POGLUT1: variants seen among roughly 807,000 people sequenced by gnomAD.
POGLUT1 encodes the protein 9630046K23Rik.
POGLUT1 carries 32 observed loss-of-function variants against 61.3 expected under a neutral mutation model. The observed-to-expected ratio is 0.52, with a 90% CI of 0.39 to 0.70. The LOEUF is 0.70. Ranked by LOEUF, POGLUT1 falls within the 30% of genes least tolerant of loss-of-function variation. The probability of loss-of-function intolerance (pLI) is 0.00; values close to 1 mark genes in which losing one functional copy is unlikely to be tolerated. For missense variants in POGLUT1, 411 were observed against 469.8 expected (o/e 0.87, Z 1.16); for synonymous variants, 158 against 158.2 (o/e 1.00, Z 0.01).
In POGLUT1 at chr3:119,492,459, T is replaced by TA. The variant is rs1405108868; in HGVS notation, c.*21_*22insA. On this transcript the variant is annotated 3_prime_UTR_variant, in exon 11 of 11. Coordinates refer to ENST00000295588, the MANE Select transcript of POGLUT1 (RefSeq NM_152305.3). Reference sequence around the variant, plus strand: ...TATAGTAGTCATCATAGGACCATAGTCCTCTTTGTGGCAACAGATCTCAGA... The same window carrying TA: ...TATAGTAGTCATCATAGGACCATAGTACCTCTTTGTGGCAACAGATCTCAGA... 6.6e-7 allele frequency: 1 copy of TA among 1,505,514 alleles called. No individual in the cohort carries two copies. Among genetic ancestry groups the TA allele is most frequent in the Non-Finnish European group, 9.0e-7 (1 of 1,111,312 alleles). The allele number at this position is 1,505,514 out of a possible 1,614,324, so 93.3% of individuals were successfully genotyped here.
In POGLUT1 at chr3:119,473,040, A is replaced by T. The variant is rs566726740; in HGVS notation, c.320+1588A>T. Reference sequence around the variant, plus strand: ...TGATAGAGCAAGACCTGTCTCAAATAAATAATAATAAAGAACAATAAAAAA... The same window carrying T: ...TGATAGAGCAAGACCTGTCTCAAATTAATAATAATAAAGAACAATAAAAAA... On this transcript the variant is annotated intron_variant, in intron 3 of 10. Coordinates refer to ENST00000295588, the MANE Select transcript of POGLUT1 (RefSeq NM_152305.3). 6.6e-5 allele frequency among the ~76,000 whole-genome samples: 10 copies of T among 152,338 alleles called. No individual in the cohort carries two copies. In the East Asian group the frequency reaches 1.9e-3, roughly 29 times the overall value.
Position 119,492,326 on chromosome 3 carries a change from C to T in POGLUT1, c.1067C>T (p.Thr356Ile). ...IRNHLQMDDI[T>I]CYWENLLSEY... ...AACCATTTGCAGATGGATGACATCA[C>T]CTGTTACTGGGAGAACCTCTTGAGT... The change falls in exon 11 of 11, where the codon ACC becomes ATC. Residue 356 changes from threonine to isoleucine, a missense_variant. By Grantham distance (89) the Thr-to-Ile change is moderately conservative. Coordinates refer to ENST00000295588, the MANE Select transcript of POGLUT1 (RefSeq NM_152305.3). The T allele has an allele frequency of 6.2e-7, 1 of 1,610,406 alleles. No individual in the cohort carries two copies. Among genetic ancestry groups the T allele is most frequent in the Non-Finnish European group, 8.5e-7 (1 of 1,177,492 alleles).
At position 119,469,928 on chromosome 3, in the gene POGLUT1, A is replaced by T. The variant is rs982518266; in HGVS notation, c.176+18A>T. 7.5e-6 allele frequency: 11 copies of T among 1,458,486 alleles called. No individual in the cohort carries two copies. Among genetic ancestry groups the T allele is most frequent in the African/African-American group, 1.4e-5 (1 of 71,876 alleles). 90.3% of individuals were successfully genotyped at this position (1,458,486 alleles called of 1,614,324 possible). A position where few individuals can be genotyped will look rare whatever the true frequency, so the allele number is the denominator to read the frequency against. ...TACCATGGGTGAGTTCTTTTCTTTG[A>T]TGTGTCTTTGAGAGTTTAGTTGCTG... On this transcript the variant is annotated intron_variant, in intron 2 of 10. Transcript: ENST00000295588.
intron 3 of POGLUT1, among the ~76,000 whole-genome samples, chr3:119,473,660 CTTTT>C (rs771110307): frequency 7.0e-6 from 1 of 142,180 alleles, no homozygotes. Context: ...CGTCTAGATA[CTTTT>C]TTTTTTTTTT....
At chr3:119,472,019 G>A (rs2081479830) in intron 3 of POGLUT1, among the ~76,000 whole-genome samples, 1 of 152,094 alleles carries the variant, frequency 6.6e-6, no homozygotes, top group African/African-American at 2.4e-5. Context: ...AATAAATAAA[G>A]AGGAGTAACT....
chr3:119,469,351 G>A, intron 1 of POGLUT1: 1 of 582,398 alleles, frequency 1.7e-6, no homozygotes, highest in South Asian at 2.0e-5. Context: ...GGAATTCCCC[G>A]TTCACCCGCA....
chr3:119,490,549 A>G lies in POGLUT1; in HGVS notation c.798-2A>G. On this transcript the variant is annotated splice_acceptor_variant, in intron 8 of 10. Coordinates refer to ENST00000295588, the MANE Select transcript of POGLUT1 (RefSeq NM_152305.3). LOFTEE classifies it high-confidence loss of function. The stretch of plus-strand genomic sequence containing the variant: ...AAATGTATTTTGTTCTTTTTTCCCC[A>G]GGTATCTGTTTAATTTTCGAGGCGT... The G allele has an allele frequency of 6.2e-7, 1 of 1,613,578 alleles. No homozygotes were observed. Among genetic ancestry groups the G allele is most frequent in the Non-Finnish European group, 8.5e-7 (1 of 1,179,632 alleles).
Position 119,477,330 on chromosome 3 carries a change from A to G in POGLUT1, c.338A>G (p.His113Arg), listed in dbSNP as rs757945203. The change falls in exon 4 of 11, where the codon CAC becomes CGC. Residue 113 changes from histidine (H) to arginine (R), a missense_variant. Coordinates refer to ENST00000295588, the MANE Select transcript of POGLUT1 (RefSeq NM_152305.3). ...GTTGACAGGTGTAGTGGTGTTGAGC[A>G]CTTTATTTTGGAAGTGATCGGGCGT... is the stretch of plus-strand genomic sequence containing the variant. ...MFPSRCSGVE[H>R]FILEVIGRLP... is the part of the protein sequence containing the mutation. 6.2e-7 allele frequency: 1 copy of G among 1,614,072 alleles called. No individual in the cohort carries two copies. The highest frequency in any genetic ancestry group is 8.5e-7 in the Non-Finnish European group (1 of 1,179,950).
intron 8 of POGLUT1, 59 bp from the exon 9 acceptor site, chr3:119,490,491 AG>A: frequency 7.2e-7 from 1 of 1,387,668 alleles, no homozygotes. Flanking sequence ...TAAGCATAAA[AG>A]GTCATATTTG....
chr3:119,471,893 C>A, intron 3 of POGLUT1: 1 of 200,658 alleles, frequency 5.0e-6, no homozygotes, highest in Non-Finnish European at 1.0e-5. Context: ...TGGTGGCTCA[C>A]ACCTGTGATC....
intron 2 of POGLUT1, among the ~76,000 whole-genome samples, chr3:119,470,403 C>A (rs1338346270): frequency 2.0e-5 from 3 of 152,144 alleles, no homozygotes; most frequent in African/African-American, 7.2e-5. Flanking sequence ...TGGTGAAACC[C>A]TGTCTCTACT....
chr3:119,483,917 C>G (rs888118710), intron 5 of POGLUT1, among the ~76,000 whole-genome samples: 1 of 152,208 alleles, frequency 6.6e-6, no homozygotes, highest in African/African-American at 2.4e-5. Flanking sequence ...AGGAAATTCT[C>G]GGCTAAAATG....
chr3:119,478,904 AG>A (rs151240773), intron 4 of POGLUT1, among the ~76,000 whole-genome samples: 55,885 of 142,034 alleles, frequency 0.39, 10,995 homozygotes, highest in East Asian at 0.58. Flanking sequence ...AAAAAAAAAA[AG>A]GGGGGAACAT....
intron 5 of POGLUT1, among the ~76,000 whole-genome samples, chr3:119,483,701 C>T (rs953478854): frequency 6.6e-6 from 1 of 152,196 alleles, no homozygotes; most frequent in African/African-American, 2.4e-5. Flanking sequence ...ACATTTGGGG[C>T]TGGATAATTC....
At chr3:119,486,767 T>C in intron 6 of POGLUT1, 66 bp from the exon 7 acceptor site, 4 of 1,083,788 alleles carry the variant, frequency 3.7e-6, no homozygotes, top group Non-Finnish European at 5.7e-6. Flanking sequence ...CTGCTCACCT[T>C]TCAGGGATTG....
At chr3:119,473,726 T>C (rs1038251882) in intron 3 of POGLUT1, among the ~76,000 whole-genome samples, 55 of 150,912 alleles carry the variant, frequency 3.6e-4, no homozygotes, top group African/African-American at 1.0e-3. Context: ...AGTGGTGTGA[T>C]CTCGGCTCAC....
At chr3:119,487,803 T>C (rs1482430196) in intron 7 of POGLUT1, among the ~76,000 whole-genome samples, 1 of 152,094 alleles carries the variant, frequency 6.6e-6, no homozygotes, top group East Asian at 1.9e-4. Flanking sequence ...TTTAAATCAA[T>C]GGTCTCAACC....
At chr3:119,480,420 G>A (rs914571119) in intron 5 of POGLUT1, among the ~76,000 whole-genome samples, 1 of 150,728 alleles carries the variant, frequency 6.6e-6, no homozygotes, top group South Asian at 2.1e-4. Context: ...GGCTAATTTC[G>A]TATTTTTAGT....
intron 7 of POGLUT1, chr3:119,488,720 A>G (rs1240980175): frequency 8.2e-6 from 3 of 363,942 alleles, no homozygotes; most frequent in Non-Finnish European, 1.5e-5. Flanking sequence ...TCTGTCTTCT[A>G]TTTAGAGCCA....
Sources: allele counts gnomAD v4.1 joint callset (sites outside exome capture counted in the v4.1 genomes callset), GRCh38; gene constraint gnomAD v4.1.1; transcripts MANE v1.5; gene names NCBI Gene and HGNC (gene_info 2026-07-23, HGNC 2026-07-21).